The following EXD3 variants were observed in gnomAD, a reference collection of about 807,000 sequenced individuals.
EXD3 encodes the protein exonuclease 3'-5' domain containing 3.
Under a neutral mutation model 98.0 loss-of-function variants are expected in EXD3, and 92 were observed. The observed-to-expected ratio is 0.94, with a 90% confidence interval of 0.79 to 1.12. EXD3 has a LOEUF of 1.12. Ranked by LOEUF, EXD3 falls within the 50% of genes most tolerant of loss-of-function variation. The pLI is 0.00. For missense variants in EXD3, 1,222 were observed against 1,191.6 expected (o/e 1.03, Z -0.38); for synonymous variants, 569 against 526.0 (o/e 1.08, Z -1.12).
rs138749816 is a variant in EXD3 at position 137,371,512 on chromosome 9, C to T, written c.462+1393G>A. ...TGGGAAGAGGAACCCAGGGTGCCATCGGGACGGCGTCTCAGCAGCAGGGTC... is the reference window on the plus strand; with the variant it reads ...TGGGAAGAGGAACCCAGGGTGCCATTGGGACGGCGTCTCAGCAGCAGGGTC... On this transcript the variant is annotated intron_variant, in intron 5 of 21. Transcript: ENST00000340951. The surrounding 1 kb of genome is among the most constrained non-coding windows in gnomAD (Gnocchi z 8.0). Among the ~76,000 whole-genome samples, 360 of 152,218 alleles carry T rather than the reference C, an allele frequency of 2.4e-3. 2 individuals are homozygous for T. The highest frequency in any genetic ancestry group is 7.8e-3 in the African/African-American group (326 of 41,538).
chr9:137,348,914 C>A (rs1244687495), intron 16 of EXD3, among the ~76,000 whole-genome samples, 196 bp downstream of exon 16: 5 of 151,938 alleles, frequency 3.3e-5, no homozygotes, highest in African/African-American at 9.7e-5. Context: ...GAGCAGTGAC[C>A]CCCCAGGCAA....
At chr9:137,384,158 G>A (rs943507896) in intron 2 of EXD3, among the ~76,000 whole-genome samples, 1 of 152,222 alleles carries the variant, frequency 6.6e-6, no homozygotes, top group African/African-American at 2.4e-5. Context: ...TGTGGAAGCT[G>A]CTGGGCCCCC....
At chr9:137,381,411 T>A (rs1324337527) in intron 3 of EXD3, among the ~76,000 whole-genome samples, 9 of 108,864 alleles carry the variant, frequency 8.3e-5, no homozygotes, top group Non-Finnish European at 1.5e-4. Flanking sequence ...ACAAGACTCC[T>A]TCTCAAAAAA....
chr9:137,366,688 C>A, intron 6 of EXD3, 56 bp from the exon 7 acceptor site: 1 of 1,524,312 alleles, frequency 6.6e-7, no homozygotes, highest in Non-Finnish European at 8.8e-7. Flanking sequence ...CAAAACCTGA[C>A]TCACCTCCAA....
At chr9:137,357,729 GAT>G (rs1431672570) in intron 7 of EXD3, among the ~76,000 whole-genome samples, 3 of 104,042 alleles carry the variant, frequency 2.9e-5, no homozygotes, top group African/African-American at 9.6e-5. Context: ...TTATATACAG[GAT>G]ATATATATAT....
In EXD3 at chr9:137,405,193, C is replaced by G. The variant is rs1268406645; in HGVS notation, c.-47-9789G>C. 6.6e-6 allele frequency among the ~76,000 whole-genome samples: 1 copy of G among 152,240 alleles called. No individual in the cohort carries two copies. On this transcript the variant is annotated intron_variant, in intron 1 of 21. Coordinates refer to ENST00000340951, the MANE Select transcript of EXD3 (RefSeq NM_017820.5). This position sits in a 1 kb window ranked among gnomAD's most constrained non-coding sequence, Gnocchi z 4.1. ...GAGCCCCGCACATCCGCACATCCCA[C>G]CCTTGGACCTCCTAACTGCGCTGGG...
intron 2 of EXD3, among the ~76,000 whole-genome samples, chr9:137,390,611 C>T (rs575854097): frequency 9.9e-5 from 15 of 152,252 alleles, no homozygotes; most frequent in African/African-American, 3.4e-4. Context: ...CAGCGTGGCC[C>T]GGTCACACAG....
chr9:137,333,973 G>A (rs1365235323), intron 17 of EXD3, among the ~76,000 whole-genome samples: 2 of 151,748 alleles, frequency 1.3e-5, no homozygotes, highest in African/African-American at 4.8e-5. Context: ...CTCCCGAGTA[G>A]CTGAGACTAC....
chr9:137,323,859 G>T lies in EXD3; in HGVS notation c.2053-3C>A. ...CCAGCCCCGACCTGGGCCCGGAGCT[G>T]CAAAGACACGGCTCGGCTACTGAGG... On this transcript the variant is annotated splice_region_variant and splice_polypyrimidine_tract_variant and intron_variant, in intron 18 of 21. Transcript: ENST00000340951. The T allele has an allele frequency of 6.2e-7, 1 of 1,608,882 alleles. No homozygotes were observed. Among genetic ancestry groups the T allele is most frequent in the South Asian group, 1.1e-5 (1 of 90,782 alleles).
At chr9:137,310,649 G>A (rs937649827) in intron 19 of EXD3, among the ~76,000 whole-genome samples, 2 of 152,190 alleles carry the variant, frequency 1.3e-5, no homozygotes, top group African/African-American at 4.8e-5. Flanking sequence ...CGGGGTGCAC[G>A]GCCTTCCCAG....
chr9:137,406,076 C>G lies in EXD3; in HGVS notation c.-47-10672G>C, dbSNP rs557750135. Among the ~76,000 whole-genome samples, 29 of 151,934 alleles carry G rather than the reference C, an allele frequency of 1.9e-4. No homozygotes were observed. In the East Asian group the frequency reaches 5.6e-3, roughly 29 times the overall value. ...CCTATGAAAAAAAAAATCAGCTGGG[C>G]GTGGTAACATGCACCTGTAGTCCCA... On this transcript the variant is annotated intron_variant, in intron 1 of 21. Coordinates refer to ENST00000340951, the MANE Select transcript of EXD3 (RefSeq NM_017820.5).
chr9:137,321,007 C>A (rs1038015460), intron 19 of EXD3, among the ~76,000 whole-genome samples: 3 of 152,232 alleles, frequency 2.0e-5, no homozygotes, highest in African/African-American at 7.2e-5. Context: ...TCCTTGCCAC[C>A]TGAGGCAGAG....
chr9:137,411,831 A>G (rs1191722142), intron 1 of EXD3, among the ~76,000 whole-genome samples: 3 of 152,130 alleles, frequency 2.0e-5, no homozygotes, highest in Non-Finnish European at 4.4e-5. Flanking sequence ...TGAGTCACCC[A>G]AGACGGACTG....
At chr9:137,330,567 ACAGGAG>A (rs1353456389) in intron 17 of EXD3, among the ~76,000 whole-genome samples, 18 of 139,022 alleles carry the variant, frequency 1.3e-4, no homozygotes, top group South Asian at 4.9e-4. Flanking sequence ...ACAGGGCTCC[ACAGGAG>A]CTACACAGGA....
intron 1 of EXD3, among the ~76,000 whole-genome samples, chr9:137,400,792 G>A (rs887666766): frequency 2.0e-5 from 3 of 151,944 alleles, no homozygotes; most frequent in African/African-American, 7.3e-5. Flanking sequence ...CCAAATGGGA[G>A]AAATTGGACA....
At chr9:137,332,299 ACGAAT>A (rs1163438503) in intron 17 of EXD3, among the ~76,000 whole-genome samples, 27 of 152,340 alleles carry the variant, frequency 1.8e-4, no homozygotes, top group African/African-American at 6.0e-4. Context: ...AGGAAAAAGA[ACGAAT>A]CTAGGCCGGG....
At chr9:137,394,487 G>A (rs1370654343) in intron 2 of EXD3, among the ~76,000 whole-genome samples, 1 of 123,090 alleles carries the variant, frequency 8.1e-6, no homozygotes, top group Non-Finnish European at 1.7e-5. Context: ...CGGCCTCCCA[G>A]CCTCCGCTTC....
At chr9:137,363,261 G>C (rs1315799440) in intron 7 of EXD3, among the ~76,000 whole-genome samples, 1 of 147,726 alleles carries the variant, frequency 6.8e-6, no homozygotes, top group East Asian at 2.0e-4. Context: ...AGTTTAAGCT[G>C]AATAAAGTGA....
intron 14 of EXD3, among the ~76,000 whole-genome samples, 170 bp downstream of exon 14, chr9:137,350,868 C>G (rs545169605): frequency 2.0e-5 from 3 of 152,196 alleles, no homozygotes; most frequent in South Asian, 4.1e-4. Context: ...CCTGGAGATG[C>G]CAGATCCAGC....
Sources: allele counts gnomAD v4.1 joint callset (sites outside exome capture counted in the v4.1 genomes callset), GRCh38; gene constraint gnomAD v4.1.1; non-coding constraint Gnocchi (gnomAD v3.1); transcripts MANE v1.5; gene names NCBI Gene and HGNC (gene_info 2026-07-23, HGNC 2026-07-21).